ATP2C1: variants seen among roughly 807,000 people sequenced by gnomAD.
The protein encoded by ATP2C1 is calcium-transporting ATPase type 2C member 1.
In ATP2C1, 31 loss-of-function variants were observed where a neutral mutation model predicts 120.5. The observed-to-expected ratio is 0.26, with a 90% CI of 0.19 to 0.35. ATP2C1 has a LOEUF of 0.35. Among genes scored for constraint, ATP2C1 ranks in the 10% least tolerant of loss-of-function variants. The probability of loss-of-function intolerance (pLI) is 1.00; values close to 1 mark genes in which losing one functional copy is unlikely to be tolerated. For synonymous variants in ATP2C1, 351 were observed against 358.7 expected (o/e 0.98, Z 0.24); for missense variants, 731 against 1,107.5 (o/e 0.66, Z 4.83).
At chr3:131,015,228 C>T in intron 26 of ATP2C1, 1 of 702,164 alleles carries the variant, frequency 1.4e-6, no homozygotes, top group Non-Finnish European at 2.6e-6. Context: ...GTCCATATAT[C>T]CTCATTCAAA....
intron 2 of ATP2C1, chr3:130,918,692 T>G (rs2058795707): frequency 2.1e-6 from 1 of 483,758 alleles, no homozygotes; most frequent in Admixed American, 2.7e-5. Flanking sequence ...AAATCATGCA[T>G]AGAAAGCAGC....
intron 10 of ATP2C1, chr3:130,955,884 G>A: frequency 4.3e-6 from 2 of 465,754 alleles, no homozygotes; most frequent in Non-Finnish European, 7.9e-6. Flanking sequence ...TAATAAACAG[G>A]TTTTTAAAAA....
chr3:130,987,484 C>G (rs2062076166), intron 20 of ATP2C1, among the ~76,000 whole-genome samples: 1 of 151,916 alleles, frequency 6.6e-6, no homozygotes, highest in African/African-American at 2.4e-5. Context: ...GCATATGCCA[C>G]CATGCCTAGG....
chr3:130,861,597 TA>T (rs2068016765), intron 1 of ATP2C1, among the ~76,000 whole-genome samples: 1 of 152,228 alleles, frequency 6.6e-6, no homozygotes, highest in South Asian at 2.1e-4. Flanking sequence ...ATGCAAATGC[TA>T]ATCTCTTCCC....
At chr3:130,933,133 C>T (rs2059520812) in intron 4 of ATP2C1, among the ~76,000 whole-genome samples, 2 of 152,252 alleles carry the variant, frequency 1.3e-5, no homozygotes, top group South Asian at 4.1e-4. Context: ...GTTTTACTTT[C>T]TTGATCCTGT....
intron 1 of ATP2C1, among the ~76,000 whole-genome samples, chr3:130,858,340 A>G (rs574407079): frequency 3.9e-5 from 6 of 152,312 alleles, no homozygotes; most frequent in African/African-American, 1.4e-4. Context: ...CACTTCTTCT[A>G]TGTATGCAAG....
At chr3:130,892,080 C>T (rs543769436), upstream of ATP2C1, among the ~76,000 whole-genome samples, 32 of 152,162 alleles carry the variant, frequency 2.1e-4, no homozygotes, top group Admixed American at 1.7e-3. Context: ...AGGAATAAAC[C>T]ATGGAGCTAT....
Position 131,002,349 on chromosome 3 carries a change from C to A in ATP2C1, c.*999C>A. 2 of 985,300 alleles carry A rather than the reference C, an allele frequency of 2.0e-6. No homozygotes were observed. The highest frequency in any genetic ancestry group is 2.4e-6 in the Non-Finnish European group (2 of 829,858). The allele number at this position is 985,300 out of a possible 1,614,324, so 61.0% of individuals were successfully genotyped here. A position where few individuals can be genotyped will look rare whatever the true frequency, so the allele number is the denominator to read the frequency against. On this transcript the variant is annotated 3_prime_UTR_variant, in exon 28 of 28. Transcript: ENST00000510168. ...TACTGGACTTAGAATAAAAAGTCCC[C>A]AAACCCAAACAAATGGTTTATGAAC...
chr3:130,880,758 G>A (rs1329797953), intron 1 of ATP2C1, among the ~76,000 whole-genome samples: 1 of 152,176 alleles, frequency 6.6e-6, no homozygotes, highest in African/African-American at 2.4e-5. Context: ...TGCTCAGTGG[G>A]ACTAGTGGTC....
chr3:130,889,819 T>G (rs1200223617), upstream of ATP2C1, among the ~76,000 whole-genome samples: 2 of 151,954 alleles, frequency 1.3e-5, no homozygotes, highest in Non-Finnish European at 2.9e-5. Context: ...CTAATGCTTT[T>G]ATTTTCTGTA....
downstream of ATP2C1, among the ~76,000 whole-genome samples, chr3:131,005,790 C>G (rs528392430): frequency 6.6e-6 from 1 of 152,332 alleles, no homozygotes; most frequent in Admixed American, 6.5e-5. Context: ...TGTGTAAATT[C>G]AAAATGCAGA....
chr3:130,979,535 G>A, intron 19 of ATP2C1, 116 bp downstream of exon 19: 1 of 1,132,888 alleles, frequency 8.8e-7, no homozygotes, highest in Non-Finnish European at 1.3e-6. Flanking sequence ...TTATGCAATT[G>A]AAATCGACTC....
intron 23 of ATP2C1, chr3:130,996,315 T>C: frequency 1.7e-6 from 1 of 601,610 alleles, no homozygotes; most frequent in Non-Finnish European, 2.9e-6. Flanking sequence ...TAGATGTCTG[T>C]ATCATCAAAA....
intron 2 of ATP2C1, among the ~76,000 whole-genome samples, chr3:130,907,860 C>T (rs1188673125): frequency 6.6e-6 from 1 of 151,488 alleles, no homozygotes; most frequent in East Asian, 1.9e-4. Context: ...TTGAATTGTC[C>T]TTTACTTTGA....
intron 2 of ATP2C1, among the ~76,000 whole-genome samples, chr3:130,925,873 C>CTGAGTCATACAGGCCACCAGGGAAG (rs2059182035): frequency 6.6e-6 from 1 of 152,076 alleles, no homozygotes. Flanking sequence ...GCTGCCTCTG[C>CTGAGTCATACAGGCCACCAGGGAAG]TGAGTCATAC....
chr3:130,934,289 C>T (rs1168940731), intron 4 of ATP2C1, among the ~76,000 whole-genome samples: 4 of 152,122 alleles, frequency 2.6e-5, no homozygotes, highest in Admixed American at 1.3e-4. Context: ...TCATCTTCTC[C>T]TGCTTTTTCT....
chr3:130,874,660 T>C (rs2068543490), intron 1 of ATP2C1, among the ~76,000 whole-genome samples: 2 of 152,208 alleles, frequency 1.3e-5, no homozygotes, highest in African/African-American at 2.4e-5. Context: ...AGTTGGTTTA[T>C]TTGTTAGCTT....
chr3:130,994,713 C>T (rs182395166), intron 22 of ATP2C1, among the ~76,000 whole-genome samples: 181 of 152,062 alleles, frequency 1.2e-3, no homozygotes, highest in Middle Eastern at 6.8e-3. Flanking sequence ...GTGATAAATT[C>T]CAATTATATG....
At chr3:130,941,543 C>A in intron 7 of ATP2C1, 48 bp from the exon 8 acceptor site, 1 of 1,460,952 alleles carries the variant, frequency 6.8e-7, no homozygotes, top group Non-Finnish European at 9.6e-7. Flanking sequence ...AGACAAGTTG[C>A]ATGAATTTTT....
Sources: gnomAD v4.1 joint callset for allele counts (sites outside exome capture counted in the v4.1 genomes callset) on GRCh38, gnomAD v4.1.1 for gene constraint, MANE v1.5 for transcripts, NCBI Gene and HGNC (gene_info 2026-07-23, HGNC 2026-07-21) for gene names.